The following EVA1A variants were observed in gnomAD, a reference collection of about 807,000 sequenced individuals.
EVA1A encodes the protein eva-1 homolog A, regulator of programmed cell death.
EVA1A carries 7 observed loss-of-function variants against 9.8 expected under a neutral mutation model. That is an observed-to-expected ratio of 0.71 (90% CI 0.41 to 1.34). The LOEUF (loss-of-function observed/expected upper bound fraction) is 1.34. Ranked by LOEUF, EVA1A falls within the 40% of genes most tolerant of loss-of-function variation. The pLI is 0.01. For synonymous variants in EVA1A, 90 were observed against 85.6 expected, an observed-to-expected ratio of 1.05 and a Z score of -0.28; for missense variants, 206 against 205.9, an observed-to-expected ratio of 1.00 and a Z score of 0.00.
chr2:75,493,351 G>T lies in EVA1A; in HGVS notation c.344C>A (p.Ala115Glu). The T allele has an allele frequency of 6.2e-7, 1 of 1,614,204 alleles. No individual in the cohort carries two copies. The highest frequency in any genetic ancestry group is 1.7e-5 in the Admixed American group (1 of 60,034). ...RTLNKNVFTS[A>E]EELERAQRLE... ...CCGCTGGGCGCGCTCCAGCTCCTCCGCAGAGGTGAACACATTCTTGTTCAA... is the reference window on the plus strand; with the variant it reads ...CCGCTGGGCGCGCTCCAGCTCCTCCTCAGAGGTGAACACATTCTTGTTCAA... Residue 115 changes from alanine to glutamate, a missense_variant, in exon 4 of 4, where the codon GCG (alanine) becomes GAG (glutamate). Physicochemically the swap from Ala to Glu is moderately radical, Grantham distance 107. Transcript: ENST00000393913.
intron 2 of EVA1A, chr2:75,518,749 C>A: frequency 1.0e-6 from 1 of 986,516 alleles, no homozygotes; most frequent in Non-Finnish European, 1.2e-6. Flanking sequence ...CAAGCCACAG[C>A]CCTCTCCTCT....
chr2:75,535,750 A>C lies in EVA1A; in HGVS notation c.-191-13263T>G, dbSNP rs546686495. Among the ~76,000 whole-genome samples, 11 of 152,318 alleles carry C rather than the reference A, an allele frequency of 7.2e-5. No individual in the cohort carries two copies. The East Asian group carries it at 2.1e-3, about 29-fold the overall frequency. On this transcript the variant is annotated intron_variant, in intron 1 of 3. Coordinates refer to ENST00000393913, the MANE Select transcript of EVA1A (RefSeq NM_001135032.2). ...AAGCTATGGGTACACAAAGGCATAC[A>C]GTGATATAATAGACATTGGAGACTC...
At chr2:75,500,625 C>T (rs1674380389) in intron 3 of EVA1A, among the ~76,000 whole-genome samples, 1 of 152,162 alleles carries the variant, frequency 6.6e-6, no homozygotes, top group African/African-American at 2.4e-5. Context: ...TACCTTCCAA[C>T]TTCATACAGA....
intron 1 of EVA1A, among the ~76,000 whole-genome samples, chr2:75,527,018 A>T (rs1675469773): frequency 6.6e-6 from 1 of 152,128 alleles, no homozygotes. Flanking sequence ...CAATCCAGAA[A>T]CCCAACACAA....
chr2:75,554,010 T>C (rs1676615551), intron 1 of EVA1A, among the ~76,000 whole-genome samples: 1 of 152,190 alleles, frequency 6.6e-6, no homozygotes. Flanking sequence ...TAACAGGCCC[T>C]ACCCGTCTCC....
chr2:75,558,076 C>T (rs1258948481), intron 1 of EVA1A, among the ~76,000 whole-genome samples: 1 of 152,228 alleles, frequency 6.6e-6, no homozygotes, highest in Non-Finnish European at 1.5e-5. Context: ...AAGTGCTTAG[C>T]CTCTCTGTGC....
intron 1 of EVA1A, among the ~76,000 whole-genome samples, chr2:75,566,235 T>G (rs1305150044): frequency 6.6e-6 from 1 of 152,214 alleles, no homozygotes; most frequent in African/African-American, 2.4e-5. Context: ...TTTGCCAAAT[T>G]TTTATAAGGT....
At chr2:75,547,357 T>C (rs1336680753) in intron 1 of EVA1A, among the ~76,000 whole-genome samples, 2 of 152,200 alleles carry the variant, frequency 1.3e-5, no homozygotes, top group African/African-American at 4.8e-5. Flanking sequence ...TAGCTCCATT[T>C]ACCAGCGATA....
At chr2:75,536,297 T>A (rs1675894429) in intron 1 of EVA1A, among the ~76,000 whole-genome samples, 1 of 152,088 alleles carries the variant, frequency 6.6e-6, no homozygotes. Context: ...AGCACGCCAC[T>A]GCACTCCAGC....
intron 3 of EVA1A, among the ~76,000 whole-genome samples, chr2:75,497,719 T>C (rs1674260837): frequency 6.6e-6 from 1 of 151,282 alleles, no homozygotes; most frequent in Non-Finnish European, 1.5e-5. Context: ...GGCATGCTGG[T>C]GCACACCTGT....
In EVA1A at chr2:75,560,846, G is replaced by C. The variant is rs11538749; in HGVS notation, c.-358C>G. 0.44 allele frequency: 66,988 copies of C among 152,568 alleles called. 15,041 individuals carry two copies. The highest frequency in any genetic ancestry group is 0.53 in the Admixed American group (8,126 of 15,296). 9.5% of individuals were successfully genotyped at this position (152,568 alleles called of 1,614,324 possible). A position where few individuals can be genotyped will look rare whatever the true frequency, so the allele number is the denominator to read the frequency against. On this transcript the variant is annotated 5_prime_UTR_variant, in exon 1 of 4. Coordinates refer to ENST00000393913, the MANE Select transcript of EVA1A (RefSeq NM_001135032.2). ...AGGAATCCCGGCGGAGGGGCCGCCG[G>C]GGTCAGGGCTGGCCTGGGGATGTGG...
chr2:75,494,098 C>G (rs753738582), intron 3 of EVA1A, among the ~76,000 whole-genome samples: 8 of 152,198 alleles, frequency 5.3e-5, no homozygotes, highest in Non-Finnish European at 1.2e-4. Flanking sequence ...ATCCTCTCCC[C>G]TCAAGTGGTG....
At chr2:75,566,200 G>A (rs1677023507) in intron 1 of EVA1A, among the ~76,000 whole-genome samples, 1 of 152,194 alleles carries the variant, frequency 6.6e-6, no homozygotes, top group Non-Finnish European at 1.5e-5. Flanking sequence ...AAAGAATGCA[G>A]TATGCCTTAT....
chr2:75,561,306 C>T (rs1676916166), upstream of EVA1A: 1 of 152,080 alleles, frequency 6.6e-6, no homozygotes, highest in African/African-American at 2.4e-5. Context: ...CCGTCGCCTG[C>T]TTTGAGCCTG....
Position 75,493,393 on chromosome 2 carries a change from C to T in EVA1A, c.302G>A (p.Arg101His). 6.2e-7 allele frequency: 1 copy of T among 1,614,250 alleles called. No homozygotes were observed. Among genetic ancestry groups the T allele is most frequent in the Non-Finnish European group, 8.5e-7 (1 of 1,180,052 alleles). ...CTTGTTCAAAGTCCTCTCGAAGCGG[C>T]GGTGTCTCCGCACGGAGAGATCGGA... ...TVSDLSVRRH[R>H]RFERTLNKNV... Residue 101 changes from arginine to histidine, a missense_variant, in exon 4 of 4, where the codon CGC becomes CAC. Coordinates refer to ENST00000393913, the MANE Select transcript of EVA1A (RefSeq NM_001135032.2).
Position 75,508,275 on chromosome 2 carries a change from C to T in EVA1A, c.85+9781G>A, listed in dbSNP as rs144970207. Among the ~76,000 whole-genome samples, 1,203 of 152,272 alleles carry T rather than the reference C, an allele frequency of 7.9e-3. 8 individuals carry two copies. The highest frequency in any genetic ancestry group is 0.013 in the Non-Finnish European group (863 of 68,018). ...AGAGATAACCTGAAACTCTGACTGC[C>T]GGTGAGCCGGGCAGAACAGAGCCAT... On this transcript the variant is annotated intron_variant, in intron 3 of 3. Transcript: ENST00000393913.
intron 3 of EVA1A, among the ~76,000 whole-genome samples, chr2:75,499,480 A>T (rs1418636799): frequency 1.3e-5 from 2 of 152,214 alleles, no homozygotes; most frequent in Non-Finnish European, 2.9e-5. Flanking sequence ...AGTTCTAGTG[A>T]TAATAAAAAA....
At chr2:75,552,600 A>C (rs1676565097) in intron 1 of EVA1A, among the ~76,000 whole-genome samples, 1 of 152,238 alleles carries the variant, frequency 6.6e-6, no homozygotes, top group Admixed American at 6.5e-5. Flanking sequence ...CAACAATATT[A>C]AAAATAATAC....
At chr2:75,554,807 C>T (rs1357092415) in intron 1 of EVA1A, among the ~76,000 whole-genome samples, 1 of 152,164 alleles carries the variant, frequency 6.6e-6, no homozygotes, top group African/African-American at 2.4e-5. Flanking sequence ...AGGATGGTCC[C>T]CAGAAGAGAG....
Sources: allele counts gnomAD v4.1 joint callset (sites outside exome capture counted in the v4.1 genomes callset), GRCh38; gene constraint gnomAD v4.1.1; transcripts MANE v1.5; gene names NCBI Gene and HGNC (gene_info 2026-07-23, HGNC 2026-07-21).